KANK1: variants seen among roughly 807,000 people sequenced by gnomAD.
KANK1 encodes the protein KN motif and ankyrin repeat domains 1.
A neutral mutation model predicts 106.2 loss-of-function variants in KANK1; 109 were observed. The ratio of observed to expected loss-of-function variants is 1.03; its 90% CI spans 0.88 to 1.20. KANK1 has a LOEUF of 1.20. Ranked by LOEUF, KANK1 falls within the 50% of genes most tolerant of loss-of-function variation. The pLI is 0.00. For synonymous variants in KANK1, 873 were observed against 652.2 expected (o/e 1.34, Z -5.16); for missense variants, 2,399 against 1,710.7 (o/e 1.40, Z -7.10).
intron 1 of KANK1, among the ~76,000 whole-genome samples, chr9:662,258 A>G (rs1014723175): frequency 6.6e-6 from 1 of 152,202 alleles, no homozygotes; most frequent in Admixed American, 6.5e-5. Flanking sequence ...TGCCCAAGGT[A>G]ATTTATAGGT....
intron 1 of KANK1, among the ~76,000 whole-genome samples, chr9:618,203 G>T (rs186692645): frequency 4.5e-4 from 69 of 152,166 alleles, no homozygotes; most frequent in Admixed American, 2.7e-3. Context: ...TCTAATTCCA[G>T]ATCACATTTA....
At chr9:665,360 G>T (rs898194053) in intron 1 of KANK1, among the ~76,000 whole-genome samples, 2 of 152,128 alleles carry the variant, frequency 1.3e-5, no homozygotes, top group African/African-American at 4.8e-5. Context: ...AGAGATAGAG[G>T]TCTAGTTTCA....
chr9:516,792 A>C (rs751001997), intron 1 of KANK1, among the ~76,000 whole-genome samples: 3 of 151,706 alleles, frequency 2.0e-5, no homozygotes, highest in Non-Finnish European at 4.4e-5. Context: ...TCAGATCTGC[A>C]TGAAGCTATT....
chr9:487,531 G>A (rs1464613872), intron 3 of KANK1, among the ~76,000 whole-genome samples: 2 of 152,162 alleles, frequency 1.3e-5, no homozygotes, highest in African/African-American at 4.8e-5. Context: ...TTGGGTATCA[G>A]TACCTCAGAT....
chr9:584,856 C>CAA (rs1160408460), intron 1 of KANK1, among the ~76,000 whole-genome samples: 1 of 152,182 alleles, frequency 6.6e-6, no homozygotes, highest in Admixed American at 6.5e-5. Flanking sequence ...ATGACCAGCA[C>CAA]AAACCTTTTG....
chr9:628,159 A>T (rs141271091), intron 1 of KANK1, among the ~76,000 whole-genome samples: 155 of 152,196 alleles, frequency 1.0e-3, no homozygotes, highest in Admixed American at 3.2e-3. Context: ...TTCTCTCCTG[A>T]CTCTTGAAGT....
At position 599,414 on chromosome 9, in the gene KANK1, G is replaced by T. The variant is rs185606655; in HGVS notation, c.-83-77476G>T. Among the ~76,000 whole-genome samples the T allele has an allele frequency of 2.6e-5, 4 of 151,780 alleles. No individual in the cohort carries two copies. The East Asian group carries it at 7.7e-4, about 29-fold the overall frequency. On this transcript the variant is annotated intron_variant, in intron 1 of 11. Coordinates refer to ENST00000382297, the MANE Select transcript of KANK1 (RefSeq NM_015158.5). ...TATTCCTCCAAATATTCTGTAGAGT[G>T]GTCTCTGTTAAGTTTGATATACATC...
intron 2 of KANK1, among the ~76,000 whole-genome samples, chr9:700,651 G>C (rs548801767): frequency 6.6e-6 from 1 of 152,250 alleles, no homozygotes; most frequent in South Asian, 2.1e-4. Flanking sequence ...TACTTCTCTA[G>C]GACTGACTCA....
intron 1 of KANK1, among the ~76,000 whole-genome samples, chr9:598,362 C>T (rs1249976261): frequency 2.0e-5 from 3 of 151,234 alleles, no homozygotes; most frequent in Non-Finnish European, 2.9e-5. Context: ...CAGCTTCATA[C>T]GAATTTAAGG....
intron 1 of KANK1, among the ~76,000 whole-genome samples, chr9:605,131 T>A (rs1176736731): frequency 6.6e-6 from 1 of 151,352 alleles, no homozygotes; most frequent in African/African-American, 2.5e-5. Context: ...ATGAAACCTG[T>A]CTCTACTAAA....
chr9:565,156 C>T (rs62531496), intron 1 of KANK1, among the ~76,000 whole-genome samples: 2 of 152,200 alleles, frequency 1.3e-5, no homozygotes, highest in Non-Finnish European at 2.9e-5. Context: ...GTCAGGTAAA[C>T]TTTCAGCAAT....
intron 3 of KANK1, among the ~76,000 whole-genome samples, chr9:496,337 T>C (rs1157196492): frequency 6.6e-6 from 1 of 152,202 alleles, no homozygotes; most frequent in African/African-American, 2.4e-5. Context: ...GCGGATCACT[T>C]GAGGCCAGGA....
intron 1 of KANK1, among the ~76,000 whole-genome samples, chr9:594,614 T>TA (rs1251668876): frequency 6.6e-6 from 1 of 151,886 alleles, no homozygotes; most frequent in Non-Finnish European, 1.5e-5. Flanking sequence ...TTATATTTTG[T>TA]AAAATGTCTT....
intron 3 of KANK1, among the ~76,000 whole-genome samples, chr9:719,536 T>C (rs1427469081): frequency 1.3e-5 from 2 of 152,210 alleles, no homozygotes; most frequent in Non-Finnish European, 2.9e-5. Flanking sequence ...AATACAAATG[T>C]AGATCAGCAT....
chr9:526,832 A>T (rs1587516570), intron 1 of KANK1, among the ~76,000 whole-genome samples: 2 of 151,734 alleles, frequency 1.3e-5, no homozygotes, highest in Non-Finnish European at 2.9e-5. Context: ...TGATTTTTTT[A>T]AATTCAATTT....
chr9:665,259 C>G (rs1298045497), intron 1 of KANK1, among the ~76,000 whole-genome samples: 1 of 152,182 alleles, frequency 6.6e-6, no homozygotes, highest in Admixed American at 6.5e-5. Context: ...TGTCCTGGAG[C>G]ATTTCCCCAA....
intron 1 of KANK1, among the ~76,000 whole-genome samples, chr9:604,398 C>T (rs1433763406): frequency 2.6e-5 from 4 of 151,736 alleles, no homozygotes; most frequent in South Asian, 4.2e-4. Context: ...TGCTGTCCTC[C>T]TGATAGCGAG....
At chr9:530,209 T>C (rs971793977) in intron 1 of KANK1, among the ~76,000 whole-genome samples, 14 of 152,242 alleles carry the variant, frequency 9.2e-5, no homozygotes, top group Admixed American at 8.5e-4. Flanking sequence ...ATTCGGGTTA[T>C]ATTACATTTT....
chr9:654,978 T>C (rs1337480543), intron 1 of KANK1, among the ~76,000 whole-genome samples: 1 of 152,108 alleles, frequency 6.6e-6, no homozygotes, highest in Non-Finnish European at 1.5e-5. Context: ...AATGTAGCAG[T>C]TGGAATCTCC....
Sources: gnomAD v4.1 joint callset for allele counts (sites outside exome capture counted in the v4.1 genomes callset) on GRCh38, gnomAD v4.1.1 for gene constraint, MANE v1.5 for transcripts, NCBI Gene and HGNC (gene_info 2026-07-23, HGNC 2026-07-21) for gene names.